The following MPST variants were observed in gnomAD, a reference collection of about 807,000 sequenced individuals.
The protein encoded by MPST is mercaptopyruvate sulfurtransferase.
MPST carries 27 observed loss-of-function variants against 28.5 expected under a neutral mutation model. That is an observed-to-expected ratio of 0.95 (90% CI 0.70 to 1.31). The LOEUF (loss-of-function observed/expected upper bound fraction) is 1.31. Ranked by LOEUF, MPST falls within the 50% of genes most tolerant of loss-of-function variation. The pLI, the probability that MPST is intolerant of heterozygous loss-of-function variation, is 0.00. For missense variants in MPST, 492 were observed against 471.1 expected (o/e 1.04, Z -0.41); for synonymous variants, 204 against 209.3 (o/e 0.97, Z 0.22).
At chr22:37,022,081 G>A (rs950428557) in intron 1 of MPST, among the ~76,000 whole-genome samples, 5 of 152,066 alleles carry the variant, frequency 3.3e-5, no homozygotes, top group African/African-American at 1.2e-4. Context: ...AGGGGCTGCT[G>A]TGGTTCCCAC....
chr22:37,028,197 T>C (rs1277126974), intron 2 of MPST: 5 of 150,652 alleles, frequency 3.3e-5, no homozygotes, highest in Admixed American at 6.6e-5. Context: ...GGCCAGGAAT[T>C]CAAGACCATC....
At chr22:37,025,190 T>C in intron 2 of MPST, 2 of 1,255,844 alleles carry the variant, frequency 1.6e-6, no homozygotes, top group Non-Finnish European at 2.0e-6. Context: ...AGAACCATAA[T>C]ACTGGCCCTT....
intron 2 of MPST, 124 bp downstream of exon 2, chr22:37,024,934 TC>T (rs1391380078): frequency 3.3e-6 from 5 of 1,537,690 alleles, no homozygotes; most frequent in Non-Finnish European, 4.4e-6. Flanking sequence ...TTTCCTTTTT[TC>T]TTTCCTTTCC....
rs1923745574 is a variant in MPST at position 37,029,421 on chromosome 22, A to G, written c.861A>G (p.Pro287=). 6.2e-7 allele frequency: 1 copy of G among 1,613,896 alleles called. No homozygotes were observed. Among genetic ancestry groups the G allele is most frequent in the African/African-American group, 1.3e-5 (1 of 75,068 alleles). ...TAGGGGCCTACCTCTGCGGCAAGCC[A>G]GACGTGCCCATCTACGATGGCTCCT... is the stretch of plus-strand genomic sequence containing the variant. ...VALGAYLCGK[P]DVPIYDGSWV... The change falls in exon 3 of 3, where the codon CCA becomes CCG. Residue 287 remains proline, a synonymous_variant. Transcript: ENST00000429360.
At chr22:37,023,943 T>C in intron 1 of MPST, 2 of 1,526,198 alleles carry the variant, frequency 1.3e-6, no homozygotes, top group Non-Finnish European at 1.8e-6. Context: ...GGGCGTGGCC[T>C]GGGGCTCTCC....
At chr22:37,021,753 G>T (rs1468827381) in intron 1 of MPST, among the ~76,000 whole-genome samples, 1 of 152,130 alleles carries the variant, frequency 6.6e-6, no homozygotes, top group African/African-American at 2.4e-5. Flanking sequence ...TTGCAGGTGT[G>T]AGCCACCACG....
chr22:37,023,907 C>A (rs748928016), intron 1 of MPST: 1 of 1,510,938 alleles, frequency 6.6e-7, no homozygotes, highest in Non-Finnish European at 8.9e-7. Flanking sequence ...CTCCACCCAC[C>A]CTCCTGCCCA....
Position 37,029,159 on chromosome 22 carries a change from A to T in MPST, c.656-57A>T, listed in dbSNP as rs893420366. The stretch of plus-strand genomic sequence containing the variant: ...CAATATCTCGAGCACCACAAATACG[A>T]GGTACCATTCATAGCATCCTTCTAT... On this transcript the variant is annotated intron_variant, in intron 2 of 2. Coordinates refer to ENST00000429360, the MANE Select transcript of MPST (RefSeq NM_021126.8). 2.6e-6 allele frequency: 4 copies of T among 1,511,226 alleles called. No homozygotes were observed. The Admixed American group carries it at 7.4e-5, about 28-fold the overall frequency. The allele number at this position is 1,511,226 out of a possible 1,614,324, so 93.6% of individuals were successfully genotyped here.
intron 2 of MPST, 187 bp from the exon 3 acceptor site, chr22:37,029,028 TA>T (rs1202468281): frequency 4.9e-6 from 3 of 609,706 alleles, no homozygotes; most frequent in Non-Finnish European, 8.6e-6. Context: ...CATCACCGTG[TA>T]TAAAATGGGG....
intron 2 of MPST, 135 bp from the exon 3 acceptor site, chr22:37,029,081 A>T: frequency 1.2e-6 from 1 of 818,550 alleles, no homozygotes; most frequent in Non-Finnish European, 1.9e-6. Flanking sequence ...TGTGAGAATT[A>T]AATGAGATGG....
At position 37,019,873 on chromosome 22, in the gene MPST, G is replaced by T; in HGVS notation, c.36+1G>T. ...AGGAAGCCGGGAGTCCGAGACCCGG[G>T]TAACTGCCGCGGCGTGGCGGCTTGC... On this transcript the variant is annotated splice_donor_variant, in intron 1 of 2. Transcript: ENST00000429360. LOFTEE classifies it high-confidence loss of function. The T allele has an allele frequency of 4.1e-6, 5 of 1,219,382 alleles. No individual in the cohort carries two copies. Among genetic ancestry groups the T allele is most frequent in the Non-Finnish European group, 5.1e-6 (5 of 973,016 alleles). The allele number at this position is 1,219,382 out of a possible 1,614,324, so 75.5% of individuals were successfully genotyped here.
At chr22:37,024,937 T>C in intron 2 of MPST, 127 bp downstream of exon 2, 1 of 1,532,314 alleles carries the variant, frequency 6.5e-7, no homozygotes, top group Non-Finnish European at 8.8e-7. Context: ...CCTTTTTTCT[T>C]TCCTTTCCTT....
In MPST at chr22:37,029,500, G is replaced by A. The variant is rs1341083868; in HGVS notation, c.940G>A (p.Gly314Arg). 1.2e-6 allele frequency: 2 copies of A among 1,603,830 alleles called. No individual in the cohort carries two copies. Among genetic ancestry groups the A allele is most frequent in the African/African-American group, 1.3e-5 (1 of 74,708 alleles). ...RPEDVISEGR[G>R]KTH ...CGAGGATGTCATCTCAGAGGGCCGGGGGAAGACCCACTGAAGCTGGGCAGG... is the reference window on the plus strand; with the variant it reads ...CGAGGATGTCATCTCAGAGGGCCGGAGGAAGACCCACTGAAGCTGGGCAGG... The change falls in exon 3 of 3, where the codon GGG becomes AGG. Residue 314 changes from glycine to arginine, a missense_variant. Coordinates refer to ENST00000429360, the MANE Select transcript of MPST (RefSeq NM_021126.8).
chr22:37,024,815 C>T lies in MPST; in HGVS notation c.655+5C>T, dbSNP rs781639704. On this transcript the variant is annotated splice_donor_5th_base_variant and intron_variant, in intron 2 of 2. Coordinates refer to ENST00000429360, the MANE Select transcript of MPST (RefSeq NM_021126.8). ...CCGAGCCCGAGCCCCGAGACGGTAA[C>T]GCGGGGGAAGGGGGCAGGAGGTCGT... The T allele has an allele frequency of 3.7e-6, 6 of 1,603,956 alleles. No individual in the cohort carries two copies. The highest frequency in any genetic ancestry group is 5.1e-6 in the Non-Finnish European group (6 of 1,179,086).
At position 37,021,029 on chromosome 22, in the gene MPST, G is replaced by A. The variant is rs377291751; in HGVS notation, c.36+1157G>A. On this transcript the variant is annotated intron_variant, in intron 1 of 2. Coordinates refer to ENST00000429360, the MANE Select transcript of MPST (RefSeq NM_021126.8). Reference sequence around the variant, plus strand: ...CAATCCTCAAAGCCTAGTGTCTGGTGGTTGGGGGAGGGGGTGGGCAGGAGG... The same window carrying A: ...CAATCCTCAAAGCCTAGTGTCTGGTAGTTGGGGGAGGGGGTGGGCAGGAGG... 4.1e-4 allele frequency among the ~76,000 whole-genome samples: 62 copies of A among 152,094 alleles called. 1 individual carries two copies. The South Asian group carries it at 0.011, about 28-fold the overall frequency.
chr22:37,024,439 T>G lies in MPST; in HGVS notation c.284T>G (p.Met95Arg), dbSNP rs767684811. 6.5e-7 allele frequency: 1 copy of G among 1,545,272 alleles called. No homozygotes were observed. The highest frequency in any genetic ancestry group is 8.7e-7 in the Non-Finnish European group (1 of 1,143,446). ...CSDRTSPYDH[M>R]LPGAEHFAEY... is the part of the protein sequence containing the mutation. The stretch of plus-strand genomic sequence containing the variant: ...GACCGCACCTCGCCCTACGACCACA[T>G]GCTGCCCGGGGCCGAGCATTTCGCG... Residue 95 changes from methionine to arginine, a missense_variant, in exon 2 of 3, where the codon ATG becomes AGG. Physicochemically the swap from Met to Arg is moderately conservative, Grantham distance 91. Coordinates refer to ENST00000429360, the MANE Select transcript of MPST (RefSeq NM_021126.8).
chr22:37,022,824 G>A (rs900179950), intron 1 of MPST, among the ~76,000 whole-genome samples: 4 of 152,294 alleles, frequency 2.6e-5, no homozygotes, highest in Admixed American at 2.6e-4. Flanking sequence ...CCTCACACAG[G>A]GGATAAGTGA....
rs1569166016 is a variant in MPST, at chr22:37,024,452, C to CGAAAA, written c.299_300insAAAGA (p.His101LysfsTer20). 6.5e-7 allele frequency: 1 copy of CGAAAA among 1,549,434 alleles called. No individual in the cohort carries two copies. The highest frequency in any genetic ancestry group is 1.4e-5 in the African/African-American group (1 of 73,336). On this transcript the variant is annotated frameshift_variant, in exon 2 of 3. Coordinates refer to ENST00000429360, the MANE Select transcript of MPST (RefSeq NM_021126.8). LOFTEE classifies it high-confidence loss of function. The stretch of plus-strand genomic sequence containing the variant: ...CCTACGACCACATGCTGCCCGGGGC[C>CGAAAA]GAGCATTTCGCGGAGTACGCAGGCC...
At chr22:37,025,160 G>C in intron 2 of MPST, 1 of 1,335,700 alleles carries the variant, frequency 7.5e-7, no homozygotes, top group South Asian at 1.3e-5. Flanking sequence ...CACTTGCCTC[G>C]GTGACTTTGT....
Sources: allele counts gnomAD v4.1 joint callset (sites outside exome capture counted in the v4.1 genomes callset), GRCh38; gene constraint gnomAD v4.1.1; transcripts MANE v1.5; gene names NCBI Gene and HGNC (gene_info 2026-07-23, HGNC 2026-07-21).